Variants in ANKS1B observed in about 807,000 individuals in gnomAD.
The protein encoded by ANKS1B is ankyrin repeat and sterile alpha motif domain containing 1B.
A neutral mutation model predicts 148.3 loss-of-function variants in ANKS1B; 36 were observed. The ratio of observed to expected loss-of-function variants is 0.24; its 90% CI spans 0.19 to 0.32. The LOEUF is 0.32. Ranked by LOEUF, ANKS1B falls within the 10% of genes least tolerant of loss-of-function variation. ANKS1B has a pLI of 1.00. For synonymous variants in ANKS1B, 542 were observed against 560.8 expected (o/e 0.97, Z 0.47); for missense variants, 1,157 against 1,542.6 (o/e 0.75, Z 4.19).
chr12:99,912,064 A>C (rs190170623), intron 1 of ANKS1B, among the ~76,000 whole-genome samples: 4 of 152,234 alleles, frequency 2.6e-5, no homozygotes, highest in African/African-American at 7.2e-5. Context: ...AGGCAGCACC[A>C]GACTGCAAGT....
chr12:99,728,422 G>A (rs574248311), intron 8 of ANKS1B, among the ~76,000 whole-genome samples: 1 of 152,304 alleles, frequency 6.6e-6, no homozygotes, highest in East Asian at 1.9e-4. Flanking sequence ...AAACTACAGT[G>A]AGATACTGTC....
At chr12:99,472,511 T>C (rs924377692) in intron 10 of ANKS1B, among the ~76,000 whole-genome samples, 1 of 152,138 alleles carries the variant, frequency 6.6e-6, no homozygotes, top group African/African-American at 2.4e-5. Flanking sequence ...TTCAAAATAG[T>C]TTTGTTGTTG....
chr12:98,793,797 C>G (rs2098916978), intron 22 of ANKS1B, among the ~76,000 whole-genome samples: 1 of 152,272 alleles, frequency 6.6e-6, no homozygotes, highest in East Asian at 1.9e-4. Flanking sequence ...GTAACAGATG[C>G]TTCCTAATTG....
intron 9 of ANKS1B, among the ~76,000 whole-genome samples, chr12:99,607,124 G>A (rs2097856802): frequency 6.6e-6 from 1 of 152,068 alleles, no homozygotes; most frequent in African/African-American, 2.4e-5. Flanking sequence ...GGCCATACTG[G>A]GCTTGGCCCT....
chr12:99,329,496 G>C (rs1315655732), intron 12 of ANKS1B, among the ~76,000 whole-genome samples: 2 of 151,760 alleles, frequency 1.3e-5, no homozygotes, highest in African/African-American at 4.8e-5. Context: ...TATTTTTAGA[G>C]TCTTGATATA....
intron 1 of ANKS1B, among the ~76,000 whole-genome samples, chr12:99,828,813 T>C (rs553418133): frequency 3.8e-4 from 57 of 151,662 alleles, no homozygotes; most frequent in Non-Finnish European, 6.8e-4. Flanking sequence ...TGAAACTCCA[T>C]CTCTACCAAA....
intron 12 of ANKS1B, among the ~76,000 whole-genome samples, chr12:99,271,662 C>CTATATATATATATATATA (rs59207203): frequency 0.03 from 2,832 of 93,740 alleles, 164 homozygotes; most frequent in African/African-American, 0.039. Flanking sequence ...AGTCAATAAA[C>CTATATATATATATATATA]TATATATATA....
In ANKS1B at chr12:99,772,783, G is replaced by A. The variant is rs186361841; in HGVS notation, c.1128+139C>T. The A allele has an allele frequency of 5.6e-5, 48 of 855,830 alleles. No individual in the cohort carries two copies. The Admixed American group carries it at 9.7e-4, about 17-fold the overall frequency. 53.0% of individuals were successfully genotyped at this position (855,830 alleles called of 1,614,324 possible). ...CACTGCGAGTAAAACCCCAAAGAAC[G>A]TCAGGAAAAGAGCAATAAGGAAACT... On this transcript the variant is annotated intron_variant, in intron 8 of 26. Coordinates refer to ENST00000683438, the MANE Select transcript of ANKS1B (RefSeq NM_001352186.2).
At chr12:99,311,495 T>G (rs1262149075) in intron 12 of ANKS1B, among the ~76,000 whole-genome samples, 1 of 152,120 alleles carries the variant, frequency 6.6e-6, no homozygotes, top group Non-Finnish European at 1.5e-5. Context: ...GAAGAGAGAT[T>G]GATGAAACAA....
rs137895637 is a variant in ANKS1B at position 98,928,105 on chromosome 12, G to C, written c.2779-95969C>G. Among the ~76,000 whole-genome samples the C allele has an allele frequency of 9.3e-3, 1,411 of 151,400 alleles. 6 individuals are homozygous for C. The highest frequency in any genetic ancestry group is 0.014 in the Non-Finnish European group (951 of 67,678). The stretch of plus-strand genomic sequence containing the variant: ...TTATTAAAATTAGGACTGTAAGAGG[G>C]GATATTGGCTGTGCAGAAATAAAAC... On this transcript the variant is annotated intron_variant, in intron 17 of 26. Transcript: ENST00000683438.
chr12:99,541,840 C>A (rs184258910), intron 9 of ANKS1B, among the ~76,000 whole-genome samples: 2 of 145,224 alleles, frequency 1.4e-5, no homozygotes, highest in Non-Finnish European at 3.0e-5. Context: ...GGCAACAGAG[C>A]GAGACTCCGT....
intron 9 of ANKS1B, among the ~76,000 whole-genome samples, chr12:99,646,717 G>A (rs2098371348): frequency 6.8e-6 from 1 of 147,366 alleles, no homozygotes; most frequent in African/African-American, 2.5e-5. Context: ...GTGTGTGTGT[G>A]TTTGTGTTCA....
In ANKS1B at chr12:99,166,886, C is replaced by T. The variant is rs533133130; in HGVS notation, c.2420-12491G>A. 3.3e-5 allele frequency among the ~76,000 whole-genome samples: 5 copies of T among 152,026 alleles called. No individual in the cohort carries two copies. The East Asian group carries it at 9.7e-4, about 29-fold the overall frequency. On this transcript the variant is annotated intron_variant, in intron 14 of 26. Transcript: ENST00000683438. ...CTTATTATAAAGACATGGTTATCCA[C>T]ATATTAGGATATTGGGGTCAAGATA...
At position 99,740,147 on chromosome 12, in the gene ANKS1B, G is replaced by A. The variant is rs77248600; in HGVS notation, c.1128+32775C>T. 7.4e-3 allele frequency among the ~76,000 whole-genome samples: 1,128 copies of A among 151,612 alleles called. 16 individuals are homozygous for A. The highest frequency in any genetic ancestry group is 0.025 in the African/African-American group (1,051 of 41,386). ...TAACACAGTGAGACCCCATCTCTAC[G>A]AAAAAAGAAATTAATTAGCTGGCCA... is the stretch of plus-strand genomic sequence containing the variant. On this transcript the variant is annotated intron_variant, in intron 8 of 26. Transcript: ENST00000683438.
At chr12:99,063,067 A>G (rs1010906982) in intron 16 of ANKS1B, among the ~76,000 whole-genome samples, 2 of 152,136 alleles carry the variant, frequency 1.3e-5, no homozygotes, top group African/African-American at 4.8e-5. Flanking sequence ...CTCCTCAGAT[A>G]CAAACACAGC....
At chr12:98,827,461 G>A (rs1158969246) in intron 19 of ANKS1B, among the ~76,000 whole-genome samples, 1 of 152,118 alleles carries the variant, frequency 6.6e-6, no homozygotes, top group African/African-American at 2.4e-5. Context: ...CACCTGGCCA[G>A]ATAAAAGCCC....
chr12:99,422,366 T>G (rs1164553671), intron 11 of ANKS1B, among the ~76,000 whole-genome samples: 1 of 152,142 alleles, frequency 6.6e-6, no homozygotes, highest in Non-Finnish European at 1.5e-5. Context: ...CATATTTTAG[T>G]GAGAAAGCTA....
chr12:99,041,509 T>C (rs780786021), intron 17 of ANKS1B, among the ~76,000 whole-genome samples: 15 of 152,128 alleles, frequency 9.9e-5, no homozygotes, highest in Non-Finnish European at 1.9e-4. Context: ...TTGGTTGGGG[T>C]TCCTGTCCCC....
chr12:98,831,800 G>A, intron 18 of ANKS1B: 3 of 533,590 alleles, frequency 5.6e-6, no homozygotes, highest in Admixed American at 3.1e-5. Flanking sequence ...CCAGGCTGGA[G>A]TGCAGTGGTG....
Sources: allele counts gnomAD v4.1 joint callset (sites outside exome capture counted in the v4.1 genomes callset), GRCh38; gene constraint gnomAD v4.1.1; transcripts MANE v1.5; gene names NCBI Gene and HGNC (gene_info 2026-07-23, HGNC 2026-07-21).